ANKRD30BL: variants seen among roughly 807,000 people sequenced by gnomAD.
ANKRD30BL encodes the protein putative ankyrin repeat domain-containing protein 30B-like.
A neutral mutation model predicts 18.4 loss-of-function variants in ANKRD30BL; 20 were observed. The observed-to-expected ratio is 1.09, with a 90% CI of 0.77 to 1.58. The LOEUF (loss-of-function observed/expected upper bound fraction) is 1.58. Among genes scored for constraint, ANKRD30BL ranks in the 40% most tolerant of loss-of-function variants. The pLI is 0.00. For synonymous variants in ANKRD30BL, 72 were observed against 100.9 expected, an observed-to-expected ratio of 0.71 and a Z score of 1.72; for missense variants, 224 against 268.6, an observed-to-expected ratio of 0.83 and a Z score of 1.16.
At chr2:132,223,578 G>A (rs1679758790) in intron 1 of ANKRD30BL, among the ~76,000 whole-genome samples, 1 of 151,966 alleles carries the variant, frequency 6.6e-6, no homozygotes, top group Non-Finnish European at 1.5e-5. Flanking sequence ...ACTGCAAGTG[G>A]AAATTTGGAG....
intron 1 of ANKRD30BL, among the ~76,000 whole-genome samples, chr2:132,221,548 G>A (rs1679683922): frequency 7.3e-6 from 1 of 136,346 alleles, no homozygotes; most frequent in Non-Finnish European, 1.5e-5. Context: ...GGGAGGTGGG[G>A]GGGTCAGCCC....
At chr2:132,200,908 C>T (rs1432941154) in intron 1 of ANKRD30BL, among the ~76,000 whole-genome samples, 3 of 152,178 alleles carry the variant, frequency 2.0e-5, no homozygotes, top group East Asian at 1.9e-4. Context: ...TAGAAGGCTG[C>T]AGTAACCAAA....
intron 1 of ANKRD30BL, among the ~76,000 whole-genome samples, chr2:132,193,251 G>A (rs1327205669): frequency 1.3e-5 from 2 of 152,140 alleles, no homozygotes; most frequent in Non-Finnish European, 2.9e-5. Context: ...CCCACAGCCT[G>A]GACTTTTATG....
chr2:132,255,999 AG>A (rs1294613344), intron 1 of ANKRD30BL, among the ~76,000 whole-genome samples: 3 of 152,148 alleles, frequency 2.0e-5, no homozygotes, highest in Admixed American at 6.5e-5. Context: ...TTCCCTGTGA[AG>A]GGGGTCAGTG....
rs558365129 is a variant in ANKRD30BL at position 132,154,717 on chromosome 2, C to T, written c.559G>A (p.Val187Met). Residue 187 changes from valine (V) to methionine (M), a missense_variant, in exon 4 of 6, where the codon GTG becomes ATG. By Grantham distance (21) the Val-to-Met change is conservative. Transcript: ENST00000409867. ...LAIRKRSEEIVEFLLTKNANA... is the reference protein window; with the variant it reads ...LAIRKRSEEIMEFLLTKNANA... ...GCATTTTTTGTCAGTAAAAATTCCA[C>T]AATTTCCTCACTTCTTTTCCTTATG... 2.9e-5 allele frequency: 21 copies of T among 734,366 alleles called. No individual in the cohort carries two copies. The highest frequency in any genetic ancestry group is 1.5e-4 in the Admixed American group (8 of 53,246). 45.5% of individuals were successfully genotyped at this position (734,366 alleles called of 1,614,324 possible). A position where few individuals can be genotyped will look rare whatever the true frequency, so the allele number is the denominator to read the frequency against.
intron 1 of ANKRD30BL, among the ~76,000 whole-genome samples, chr2:132,243,103 G>T (rs970024723): frequency 9.9e-5 from 15 of 151,734 alleles, no homozygotes; most frequent in African/African-American, 3.4e-4. Flanking sequence ...TCTGGTGTGT[G>T]CATTCAAATC....
chr2:132,152,386 TG>T (rs1485758021), intron 4 of ANKRD30BL: 2 of 152,232 alleles, frequency 1.3e-5, no homozygotes, highest in African/African-American at 4.8e-5. Context: ...TGATCAGTGA[TG>T]GATGAGGCTT....
chr2:132,185,544 AG>A (rs1293829101), intron 1 of ANKRD30BL, among the ~76,000 whole-genome samples: 1 of 152,226 alleles, frequency 6.6e-6, no homozygotes, highest in Non-Finnish European at 1.5e-5. Context: ...TATTGATTAT[AG>A]TGGGAAGGTA....
At chr2:132,209,248 GA>G (rs1442599134) in intron 1 of ANKRD30BL, among the ~76,000 whole-genome samples, 1 of 151,962 alleles carries the variant, frequency 6.6e-6, no homozygotes, top group Non-Finnish European at 1.5e-5. Context: ...TCACAGAGTT[GA>G]AATATTCTTT....
At chr2:132,179,229 C>T (rs1688416459) in intron 1 of ANKRD30BL, among the ~76,000 whole-genome samples, 1 of 152,040 alleles carries the variant, frequency 6.6e-6, no homozygotes, top group Non-Finnish European at 1.5e-5. Context: ...AACATAATAC[C>T]TGATAATGAT....
chr2:132,210,333 G>A (rs1312986371), intron 1 of ANKRD30BL, among the ~76,000 whole-genome samples: 1 of 151,988 alleles, frequency 6.6e-6, no homozygotes, highest in African/African-American at 2.4e-5. Flanking sequence ...TGGATATTTG[G>A]AGCGCTTTGC....
intron 1 of ANKRD30BL, among the ~76,000 whole-genome samples, chr2:132,210,520 A>G (rs1679318519): frequency 6.6e-6 from 1 of 152,014 alleles, no homozygotes; most frequent in East Asian, 1.9e-4. Context: ...CTTAAGGTCT[A>G]TGGTGGAGAA....
rs62166183 is a variant in ANKRD30BL, at chr2:132,237,396, A to C, written n.441+20133T>G. Among the ~76,000 whole-genome samples the C allele has an allele frequency of 6.2e-4, 95 of 152,082 alleles. 1 individual carries two copies. The highest frequency in any genetic ancestry group is 2.1e-3 in the African/African-American group (87 of 41,542). ...TTGAAACACTCTTCTTGTTGAATTT[A>C]CAAGTGGATATTAGGGCAGCATTGA... is the stretch of plus-strand genomic sequence containing the variant. On this transcript the variant is annotated intron_variant and non_coding_transcript_variant, in intron 1 of 4. Coordinates refer to the ANKRD30BL transcript ENST00000470729.
At chr2:132,185,995 A>T (rs1688553556) in intron 1 of ANKRD30BL, among the ~76,000 whole-genome samples, 1 of 151,758 alleles carries the variant, frequency 6.6e-6, no homozygotes, top group Admixed American at 6.6e-5. Flanking sequence ...ACAAAAATTA[A>T]CCAGGCGTGG....
intron 1 of ANKRD30BL, among the ~76,000 whole-genome samples, chr2:132,254,945 T>C (rs900942992): frequency 1.3e-5 from 2 of 152,218 alleles, no homozygotes; most frequent in Non-Finnish European, 2.9e-5. Flanking sequence ...TGGGTGAGTT[T>C]TCCCATGTTG....
At chr2:132,244,756 A>T (rs1168643994) in intron 1 of ANKRD30BL, among the ~76,000 whole-genome samples, 2 of 152,264 alleles carry the variant, frequency 1.3e-5, no homozygotes, top group Non-Finnish European at 2.9e-5. Context: ...AGACGTGAAT[A>T]CCTTCACATA....
At chr2:132,251,528 T>C (rs997122877) in intron 1 of ANKRD30BL, among the ~76,000 whole-genome samples, 1 of 152,340 alleles carries the variant, frequency 6.6e-6, no homozygotes, top group African/African-American at 2.4e-5. Flanking sequence ...TACAATTTTA[T>C]TTCAATAATT....
At chr2:132,249,273 G>A (rs934774113) in intron 1 of ANKRD30BL, among the ~76,000 whole-genome samples, 1 of 151,668 alleles carries the variant, frequency 6.6e-6, no homozygotes, top group African/African-American at 2.4e-5. Flanking sequence ...CTCTCAGAAA[G>A]CTTCTGTCTA....
intron 1 of ANKRD30BL, among the ~76,000 whole-genome samples, chr2:132,247,927 A>G (rs1367656651): frequency 6.6e-6 from 1 of 152,120 alleles, no homozygotes; most frequent in Non-Finnish European, 1.5e-5. Flanking sequence ...TTATGTGAAG[A>G]TATTTCCTAT....
Sources: allele counts gnomAD v4.1 joint callset (sites outside exome capture counted in the v4.1 genomes callset), GRCh38; gene constraint gnomAD v4.1.1; transcripts MANE v1.5; gene names NCBI Gene and HGNC (gene_info 2026-07-23, HGNC 2026-07-21).